EPAS1: variants seen among roughly 807,000 people sequenced by gnomAD.
EPAS1 encodes the protein endothelial PAS domain-containing protein 1.
In EPAS1, 23 loss-of-function variants were observed where a neutral mutation model predicts 87.9. The observed-to-expected ratio is 0.26, with a 90% CI of 0.19 to 0.37. EPAS1 has a LOEUF of 0.37. Ranked by LOEUF, EPAS1 falls within the 10% of genes least tolerant of loss-of-function variation. The pLI is 1.00. For synonymous variants in EPAS1, 508 were observed against 444.3 expected (o/e 1.14, Z -1.80); for missense variants, 1,138 against 1,120.7 (o/e 1.02, Z -0.22).
At position 46,380,129 on chromosome 2, in the gene EPAS1, G is replaced by C; in HGVS notation, c.1555-98G>C. The C allele has an allele frequency of 6.3e-7, 1 of 1,590,220 alleles. No homozygotes were observed. Among genetic ancestry groups the C allele is most frequent in the Admixed American group, 1.7e-5 (1 of 60,016 alleles). On this transcript the variant is annotated intron_variant, in intron 11 of 15. Transcript: ENST00000263734. The surrounding 1 kb of genome is among the most constrained non-coding windows in gnomAD (Gnocchi z 4.4). The stretch of plus-strand genomic sequence containing the variant: ...GGCGTTTGAGCAGCACTGTGAAACA[G>C]TGCTTGAGATGAATGGCTCTGCAGG...
Position 46,318,463 on chromosome 2 carries a change from C to A in EPAS1, c.26+20526C>A, listed in dbSNP as rs117333717. Reference sequence around the variant, plus strand: ...GCATGGATAAACTTGCCTGACAAACCTTCAATTTGTAAAAAGTGCAATATC... The same window carrying A: ...GCATGGATAAACTTGCCTGACAAACATTCAATTTGTAAAAAGTGCAATATC... On this transcript the variant is annotated intron_variant, in intron 1 of 15. Transcript: ENST00000263734. 3.0e-4 allele frequency among the ~76,000 whole-genome samples: 45 copies of A among 152,262 alleles called. No homozygotes were observed. The East Asian group carries it at 8.3e-3, about 28-fold the overall frequency.
At chr2:46,341,185 C>T (rs990295926) in intron 1 of EPAS1, among the ~76,000 whole-genome samples, 2 of 152,232 alleles carry the variant, frequency 1.3e-5, no homozygotes, top group Admixed American at 6.5e-5. Context: ...ATGGCCCTCA[C>T]AGCCAAGACC....
Position 46,380,412 on chromosome 2 carries a change from C to A in EPAS1, c.1740C>A (p.His580Gln), listed in dbSNP as rs1558611978. The A allele has an allele frequency of 6.2e-7, 1 of 1,614,200 alleles. No individual in the cohort carries two copies. The change falls in exon 12 of 16, where the codon CAC becomes CAA. Residue 580 changes from histidine (H) to glutamine (Q), a missense_variant. Physicochemically the swap from His to Gln is conservative, Grantham distance 24. This residue lies in a region of EPAS1 where 502 missense variants were observed against 427.1 expected (regional missense o/e 1.18). Coordinates refer to ENST00000263734, the MANE Select transcript of EPAS1 (RefSeq NM_001430.5). This position sits in a 1 kb window ranked among gnomAD's most constrained non-coding sequence, Gnocchi z 4.4. Reference protein sequence around the residue: ...IFQPLAPVAPHSPFLLDKFQQ... With the variant: ...IFQPLAPVAPQSPFLLDKFQQ... ...AGCCACTGGCCCCTGTAGCCCCGCA[C>A]AGTCCCTTCCTCCTGGACAAGTTTC... is the stretch of plus-strand genomic sequence containing the variant.
chr2:46,302,412 T>C (rs2104835367), intron 1 of EPAS1, among the ~76,000 whole-genome samples: 1 of 152,256 alleles, frequency 6.6e-6, no homozygotes, highest in Non-Finnish European at 1.5e-5. Context: ...TCCCTTTTTA[T>C]TTTAGCCTGA....
rs1038645950 is a variant in EPAS1 at position 46,349,356 on chromosome 2, A to G, written c.217+2293A>G. ...ACGAGTTAGGCTGGACTCCCTGAGC[A>G]CATCTACCTGTGTGTGTTCTGGTGT... On this transcript the variant is annotated intron_variant, in intron 2 of 15. Coordinates refer to ENST00000263734, the MANE Select transcript of EPAS1 (RefSeq NM_001430.5). Among the ~76,000 whole-genome samples, 11 of 152,228 alleles carry G rather than the reference A, an allele frequency of 7.2e-5. No homozygotes were observed. The South Asian group carries it at 2.3e-3, about 32-fold the overall frequency.
rs181206961 is a variant in EPAS1, at chr2:46,315,380, A to G, written c.26+17443A>G. ...GGGACGGAGGTGAGTCACAGTGCAT[A>G]AGTGTTGGGGAGTCACCTTGAACTT... On this transcript the variant is annotated intron_variant, in intron 1 of 15. Coordinates refer to ENST00000263734, the MANE Select transcript of EPAS1 (RefSeq NM_001430.5). Among the ~76,000 whole-genome samples the G allele has an allele frequency of 1.4e-4, 22 of 152,248 alleles. 1 individual carries two copies. Among genetic ancestry groups the G allele is most frequent in the East Asian group, 7.7e-4 (4 of 5,184 alleles).
chr2:46,364,173 G>A (rs995940390), intron 6 of EPAS1, among the ~76,000 whole-genome samples: 1 of 152,158 alleles, frequency 6.6e-6, no homozygotes, highest in East Asian at 1.9e-4. Flanking sequence ...ATACCTAATG[G>A]GGTGAGGGGT....
At chr2:46,313,404 T>C (rs1353812492) in intron 1 of EPAS1, among the ~76,000 whole-genome samples, 2 of 152,052 alleles carry the variant, frequency 1.3e-5, no homozygotes, top group African/African-American at 2.4e-5. Context: ...TCCTGTTCTG[T>C]TTTGTTTTGT....
In EPAS1 at chr2:46,360,705, C is replaced by T. The variant is rs1684367758; in HGVS notation, c.522C>T (p.Cys174=). ...TERDFFMRMK[C]TVTNRGRTVN... ...GGGACTTCTTCATGAGGATGAAGTG[C>T]ACGGTCACCAACAGAGGCCGTACTG... Residue 174 remains cysteine (C), a synonymous_variant, in exon 5 of 16, where the codon TGC becomes TGT. Coordinates refer to ENST00000263734, the MANE Select transcript of EPAS1 (RefSeq NM_001430.5). This position sits in a 1 kb window ranked among gnomAD's most constrained non-coding sequence, Gnocchi z 4.5. The T allele has an allele frequency of 1.9e-6, 3 of 1,613,874 alleles. No homozygotes were observed. The highest frequency in any genetic ancestry group is 2.2e-5 in the South Asian group (2 of 91,090).
chr2:46,379,740 G>A (rs1684843067), intron 11 of EPAS1: 1 of 202,526 alleles, frequency 4.9e-6, no homozygotes, highest in African/African-American at 2.3e-5. Flanking sequence ...CTGTTAGGCT[G>A]TTACTCTGCG....
At chr2:46,361,320 C>A (rs1366879565) in intron 6 of EPAS1, among the ~76,000 whole-genome samples, 1 of 152,176 alleles carries the variant, frequency 6.6e-6, no homozygotes, top group African/African-American at 2.4e-5. Context: ...GCAGAGCTTT[C>A]CTGGTGTGCA....
intron 1 of EPAS1, among the ~76,000 whole-genome samples, chr2:46,324,090 G>T (rs558933185): frequency 6.6e-6 from 1 of 152,160 alleles, no homozygotes; most frequent in Non-Finnish European, 1.5e-5. Context: ...TTTTTGAGAC[G>T]GAGTCTCGTT....
intron 1 of EPAS1, among the ~76,000 whole-genome samples, chr2:46,334,316 C>T (rs1683746193): frequency 6.6e-6 from 1 of 152,202 alleles, no homozygotes. Flanking sequence ...GTGTGCTTGG[C>T]ACCTTATGGA....
Position 46,382,625 on chromosome 2 carries a change from C to G in EPAS1, c.2461+27C>G, listed in dbSNP as rs72547262. 6,055 of 1,613,698 alleles carry G rather than the reference C, an allele frequency of 3.8e-3. 222 individuals carry two copies. The African/African-American group carries it at 0.072, about 19-fold the overall frequency. ...TGGGTGTGCCCAGGATCTGTCACCC[C>G]CATCCCAGGATTCGATGCCAGGGGA... On this transcript the variant is annotated intron_variant, in intron 15 of 15. Coordinates refer to ENST00000263734, the MANE Select transcript of EPAS1 (RefSeq NM_001430.5).
At chr2:46,307,764 G>A (rs746305595) in intron 1 of EPAS1, among the ~76,000 whole-genome samples, 3 of 152,282 alleles carry the variant, frequency 2.0e-5, no homozygotes, top group East Asian at 3.9e-4. Context: ...TGCTGAGATC[G>A]CTTTCCTGGT....
At chr2:46,328,283 C>T (rs1448535937) in intron 1 of EPAS1, among the ~76,000 whole-genome samples, 1 of 152,166 alleles carries the variant, frequency 6.6e-6, no homozygotes, top group Admixed American at 6.5e-5. Flanking sequence ...GAGTAGAGGC[C>T]ACGATGGCAG....
intron 6 of EPAS1, among the ~76,000 whole-genome samples, chr2:46,365,589 T>C (rs1684484000): frequency 1.3e-5 from 2 of 152,206 alleles, no homozygotes; most frequent in South Asian, 4.1e-4. Context: ...CCCCTACAGG[T>C]ACCCTGTAAC....
chr2:46,329,517 A>G (rs1683630179), intron 1 of EPAS1, among the ~76,000 whole-genome samples: 1 of 152,122 alleles, frequency 6.6e-6, no homozygotes, highest in Non-Finnish European at 1.5e-5. Flanking sequence ...TCATCTCTAT[A>G]GGCTTTCTAT....
chr2:46,324,003 G>A (rs573299564), intron 1 of EPAS1, among the ~76,000 whole-genome samples: 2 of 152,316 alleles, frequency 1.3e-5, no homozygotes, highest in African/African-American at 2.4e-5. Flanking sequence ...TGTATATAGG[G>A]CAACCTCTTG....
Sources: allele counts gnomAD v4.1 joint callset (sites outside exome capture counted in the v4.1 genomes callset), GRCh38; gene constraint gnomAD v4.1.1; regional missense constraint gnomAD v4.1.1; non-coding constraint Gnocchi (gnomAD v3.1); transcripts MANE v1.5; gene names NCBI Gene and HGNC (gene_info 2026-07-23, HGNC 2026-07-21).